Variants in PEX5L observed in about 807,000 individuals in gnomAD.
PEX5L encodes the protein peroxisomal biogenesis factor 5 like.
Under a neutral mutation model 84.0 loss-of-function variants are expected in PEX5L, and 30 were observed. The ratio of observed to expected loss-of-function variants is 0.36; its 90% confidence interval spans 0.27 to 0.48. The LOEUF (loss-of-function observed/expected upper bound fraction) is 0.48. Among genes scored for constraint, PEX5L ranks in the 20% least tolerant of loss-of-function variants. The pLI, the probability that PEX5L is intolerant of heterozygous loss-of-function variation, is 0.99. For synonymous variants in PEX5L, 270 were observed against 283.1 expected, an observed-to-expected ratio of 0.95 and a Z score of 0.46; for missense variants, 533 against 754.6, an observed-to-expected ratio of 0.71 and a Z score of 3.44.
intron 2 of PEX5L, among the ~76,000 whole-genome samples, chr3:179,931,432 A>G (rs1773079777): frequency 6.6e-6 from 1 of 152,236 alleles, no homozygotes; most frequent in Non-Finnish European, 1.5e-5. Flanking sequence ...CAGAGAGCCC[A>G]GGATTCCTGA....
chr3:179,980,088 G>A (rs532018172), intron 1 of PEX5L, among the ~76,000 whole-genome samples: 2 of 152,200 alleles, frequency 1.3e-5, no homozygotes, highest in African/African-American at 2.4e-5. Context: ...ATTTTCCCTC[G>A]ATGTTTATAC....
intron 1 of PEX5L, among the ~76,000 whole-genome samples, chr3:180,017,438 T>C (rs1015294457): frequency 2.0e-5 from 3 of 152,192 alleles, no homozygotes; most frequent in Non-Finnish European, 2.9e-5. Context: ...GTGTGAACTA[T>C]GTGAAAAGTT....
chr3:180,009,225 T>C (rs906390858), intron 1 of PEX5L, among the ~76,000 whole-genome samples: 77 of 152,228 alleles, frequency 5.1e-4, no homozygotes, highest in African/African-American at 1.6e-3. Flanking sequence ...ATAACTACTA[T>C]ACAAGGGTTG....
At chr3:179,840,184 T>TGTGTGTGTG (rs1553850525) in intron 8 of PEX5L, among the ~76,000 whole-genome samples, 1 of 29,300 alleles carries the variant, frequency 3.4e-5, no homozygotes, top group African/African-American at 8.8e-5. Context: ...TGTGTGTGTG[T>TGTGTGTGTG]TTTTTTTTTT....
chr3:179,900,537 C>T, intron 2 of PEX5L: 1 of 633,960 alleles, frequency 1.6e-6, no homozygotes, highest in Admixed American at 2.7e-5. Flanking sequence ...CATGCCATTT[C>T]ACTAAAACAA....
intron 4 of PEX5L, among the ~76,000 whole-genome samples, chr3:179,886,731 C>T (rs1194229498): frequency 6.6e-6 from 1 of 152,082 alleles, no homozygotes; most frequent in African/African-American, 2.4e-5. Flanking sequence ...TAATTTTTGG[C>T]ATTTTGGAAA....
chr3:179,906,134 T>C (rs765689359), intron 2 of PEX5L, among the ~76,000 whole-genome samples: 3 of 152,250 alleles, frequency 2.0e-5, no homozygotes, highest in Admixed American at 6.5e-5. Context: ...TAAGGCTTTA[T>C]TTTTAATTAA....
chr3:179,829,719 CATTTTCCTTTGTAAT>C (rs1731920717), intron 8 of PEX5L, among the ~76,000 whole-genome samples: 1 of 151,240 alleles, frequency 6.6e-6, no homozygotes, highest in South Asian at 2.1e-4. Context: ...AGTTTAGATG[CATTTTCCTTTGTAAT>C]ATTTTCCTTG....
At chr3:179,958,798 T>C (rs11922852) in intron 2 of PEX5L, among the ~76,000 whole-genome samples, 3,225 of 152,282 alleles carry the variant, frequency 0.021, 107 homozygotes, top group African/African-American at 0.072. Context: ...AAAAAATTAA[T>C]GTCTTTATCA....
intron 2 of PEX5L, among the ~76,000 whole-genome samples, chr3:179,959,754 T>C (rs1781550204): frequency 6.6e-6 from 1 of 152,182 alleles, no homozygotes; most frequent in Admixed American, 6.5e-5. Flanking sequence ...TGAGGCTAAA[T>C]GTCACCAGCA....
chr3:179,992,364 C>T (rs929592142), intron 1 of PEX5L, among the ~76,000 whole-genome samples: 4 of 152,164 alleles, frequency 2.6e-5, no homozygotes, highest in South Asian at 2.1e-4. Flanking sequence ...ATTTACTTAA[C>T]GTCACACAAC....
In PEX5L at chr3:179,960,567, C is replaced by A. The variant is rs115733309; in HGVS notation, c.93+11027G>T. Among the ~76,000 whole-genome samples, 134 of 152,212 alleles carry A rather than the reference C, an allele frequency of 8.8e-4. 1 individual carries two copies. Among genetic ancestry groups the A allele is most frequent in the African/African-American group, 3.2e-3 (133 of 41,544 alleles). On this transcript the variant is annotated intron_variant, in intron 2 of 14. Coordinates refer to ENST00000467460, the MANE Select transcript of PEX5L (RefSeq NM_016559.3). ...TACTGTTGTTCATAAAAGTCCTGAT[C>A]CAAGGGTATGATTTTAACTCAAGTT...
chr3:180,011,996 T>C (rs979250921), intron 1 of PEX5L, among the ~76,000 whole-genome samples: 1 of 152,214 alleles, frequency 6.6e-6, no homozygotes, highest in Non-Finnish European at 1.5e-5. Context: ...GGTATTCTTA[T>C]AGAAAGAAAA....
intron 11 of PEX5L, 64 bp downstream of exon 11, chr3:179,811,737 T>G (rs1429013293): frequency 1.7e-6 from 2 of 1,194,052 alleles, no homozygotes; most frequent in Non-Finnish European, 2.5e-6. Context: ...AAGACAAATC[T>G]GAAACAGGAA....
At chr3:179,973,846 T>G in intron 1 of PEX5L, 2 of 985,334 alleles carry the variant, frequency 2.0e-6, no homozygotes, top group Non-Finnish European at 2.4e-6. Context: ...GAGGAGGCAT[T>G]TAGAGCTCTG....
chr3:180,036,457 T>A (rs1416806117), intron 1 of PEX5L, 122 bp downstream of exon 1: 1 of 940,220 alleles, frequency 1.1e-6, no homozygotes, highest in Non-Finnish European at 1.8e-6. Flanking sequence ...GTCACGGTCA[T>A]GTTGCATCAC....
chr3:179,950,276 G>A (rs1435608105), intron 2 of PEX5L, among the ~76,000 whole-genome samples: 5 of 151,176 alleles, frequency 3.3e-5, no homozygotes, highest in South Asian at 2.1e-4. Flanking sequence ...AACAAACACC[G>A]CATGTTCTCA....
intron 2 of PEX5L, among the ~76,000 whole-genome samples, chr3:179,908,152 G>A (rs373718104): frequency 9.8e-5 from 15 of 152,314 alleles, no homozygotes; most frequent in African/African-American, 3.4e-4. Context: ...CATTGGCAAC[G>A]TGTGGGTTGG....
At chr3:180,034,505 A>C (rs1182301814) in intron 1 of PEX5L, among the ~76,000 whole-genome samples, 1 of 152,106 alleles carries the variant, frequency 6.6e-6, no homozygotes, top group Non-Finnish European at 1.5e-5. Context: ...GGGGGAAGAG[A>C]TATGAGTTTA....
Sources: gnomAD v4.1 joint callset for allele counts (sites outside exome capture counted in the v4.1 genomes callset) on GRCh38, gnomAD v4.1.1 for gene constraint, MANE v1.5 for transcripts, NCBI Gene and HGNC (gene_info 2026-07-23, HGNC 2026-07-21) for gene names.